The following ELMO1 variants were observed in gnomAD, a reference collection of about 807,000 sequenced individuals.
ELMO1 encodes engulfment and cell motility 1, also known as engulfment and cell motility protein 1.
ELMO1 carries 26 observed loss-of-function variants against 98.9 expected under a neutral mutation model. That is an observed-to-expected ratio of 0.26 (90% CI 0.19 to 0.36). The LOEUF (loss-of-function observed/expected upper bound fraction) is 0.36. Among genes scored for constraint, ELMO1 ranks in the 10% least tolerant of loss-of-function variants. The pLI is 1.00. For synonymous variants in ELMO1, 346 were observed against 346.0 expected, an observed-to-expected ratio of 1.00 and a Z score of 0.00; for missense variants, 627 against 935.2, an observed-to-expected ratio of 0.67 and a Z score of 4.30.
intron 1 of ELMO1, among the ~76,000 whole-genome samples, chr7:37,401,343 G>A (rs567774395): frequency 3.7e-4 from 57 of 152,176 alleles, no homozygotes; most frequent in Non-Finnish European, 5.9e-4. Context: ...AACAGCAGAA[G>A]CAGGAAGGTC....
intron 2 of ELMO1, among the ~76,000 whole-genome samples, chr7:37,327,745 G>A (rs1219335036): frequency 6.6e-6 from 1 of 152,142 alleles, no homozygotes; most frequent in African/African-American, 2.4e-5. Context: ...AGCAGGTAGT[G>A]GAGGGACGTG....
intron 1 of ELMO1, among the ~76,000 whole-genome samples, chr7:37,408,450 T>C (rs186258006): frequency 2.6e-5 from 4 of 152,302 alleles, no homozygotes; most frequent in African/African-American, 4.8e-5. Context: ...CAGAGCAACA[T>C]TGGCACTACT....
intron 15 of ELMO1, among the ~76,000 whole-genome samples, chr7:37,056,990 T>C (rs1296896526): frequency 2.6e-5 from 4 of 152,178 alleles, no homozygotes; most frequent in African/African-American, 9.7e-5. Flanking sequence ...ATCAAAAATG[T>C]CCAACACAAG....
At chr7:37,397,805 G>C (rs1298368256) in intron 1 of ELMO1, among the ~76,000 whole-genome samples, 3 of 152,182 alleles carry the variant, frequency 2.0e-5, no homozygotes, top group African/African-American at 7.2e-5. Flanking sequence ...ATACACCATG[G>C]AATACTATGC....
intron 16 of ELMO1, among the ~76,000 whole-genome samples, chr7:36,910,473 T>C (rs1784266896): frequency 6.6e-6 from 1 of 151,776 alleles, no homozygotes; most frequent in Non-Finnish European, 1.5e-5. Flanking sequence ...GTAAGGGGAG[T>C]GGTTAGAACT....
chr7:36,991,073 G>A (rs1026258747), intron 16 of ELMO1, among the ~76,000 whole-genome samples: 1 of 152,158 alleles, frequency 6.6e-6, no homozygotes, highest in African/African-American at 2.4e-5. Context: ...TGAAGGTGAT[G>A]GTAATGGTCT....
chr7:37,014,318 G>A (rs181178212), intron 15 of ELMO1, among the ~76,000 whole-genome samples: 1 of 151,994 alleles, frequency 6.6e-6, no homozygotes, highest in Admixed American at 6.5e-5. Flanking sequence ...GGAGCCCAAG[G>A]AACTAAGGTT....
intron 16 of ELMO1, among the ~76,000 whole-genome samples, chr7:36,995,040 C>G (rs1008023257): frequency 6.6e-6 from 1 of 152,148 alleles, no homozygotes; most frequent in Non-Finnish European, 1.5e-5. Context: ...GTTCCACACC[C>G]ACAAAATTTA....
chr7:36,866,041 G>A (rs1803009426), intron 20 of ELMO1, among the ~76,000 whole-genome samples: 1 of 152,196 alleles, frequency 6.6e-6, no homozygotes, highest in Non-Finnish European at 1.5e-5. Context: ...ATGGGAAGAT[G>A]GAAGCTTCTC....
intron 15 of ELMO1, among the ~76,000 whole-genome samples, chr7:37,065,521 CA>C (rs1271748724): frequency 6.6e-6 from 1 of 152,158 alleles, no homozygotes; most frequent in Non-Finnish European, 1.5e-5. Context: ...GTCACTCCTT[CA>C]TGTGGTCACC....
chr7:36,943,061 C>T (rs1787182959), intron 16 of ELMO1, among the ~76,000 whole-genome samples: 1 of 152,186 alleles, frequency 6.6e-6, no homozygotes, highest in African/African-American at 2.4e-5. Flanking sequence ...CCTGCGGAAC[C>T]TGGGTCCTAC....
intron 13 of ELMO1, among the ~76,000 whole-genome samples, chr7:37,209,666 A>G (rs1387388425): frequency 1.3e-5 from 2 of 152,168 alleles, no homozygotes; most frequent in South Asian, 2.1e-4. Context: ...CTTGCTTACC[A>G]CATAAAAGTA....
chr7:36,860,995 A>C (rs1375443057), intron 21 of ELMO1, among the ~76,000 whole-genome samples: 9 of 152,220 alleles, frequency 5.9e-5, no homozygotes, highest in Admixed American at 5.9e-4. Context: ...GCAAAACAAA[A>C]ATTTGAATGG....
chr7:37,391,707 C>T (rs1803085597), intron 1 of ELMO1, among the ~76,000 whole-genome samples: 1 of 152,196 alleles, frequency 6.6e-6, no homozygotes, highest in Non-Finnish European at 1.5e-5. Flanking sequence ...TTCCTGATTT[C>T]AGGAACCTCT....
chr7:37,170,195 G>A (rs1360514886), intron 13 of ELMO1, among the ~76,000 whole-genome samples: 1 of 152,070 alleles, frequency 6.6e-6, no homozygotes, highest in Non-Finnish European at 1.5e-5. Context: ...GTGAGCCACC[G>A]CGCCTGGCGC....
chr7:37,272,836 G>A lies in ELMO1; in HGVS notation c.193-954C>T, dbSNP rs551021844. 3.3e-5 allele frequency among the ~76,000 whole-genome samples: 5 copies of A among 152,336 alleles called. No homozygotes were observed. In the South Asian group the frequency reaches 1.0e-3, roughly 32 times the overall value. On this transcript the variant is annotated intron_variant, in intron 4 of 21. Coordinates refer to ENST00000310758, the MANE Select transcript of ELMO1 (RefSeq NM_014800.11). ...CAGGATAGGCAAATAAATAGAATCA[G>A]CCATTAGGATAAATGGTTGCCTAAG...
intron 16 of ELMO1, among the ~76,000 whole-genome samples, chr7:36,976,002 TA>T (rs938134530): frequency 5.9e-5 from 9 of 152,224 alleles, no homozygotes; most frequent in African/African-American, 2.2e-4. Context: ...CCTCCTTGAA[TA>T]GGGGTCAATA....
At chr7:37,154,002 G>A (rs577551928) in intron 13 of ELMO1, among the ~76,000 whole-genome samples, 6 of 152,024 alleles carry the variant, frequency 3.9e-5, no homozygotes, top group Non-Finnish European at 5.9e-5. Flanking sequence ...GCCTCCAGGG[G>A]TGTTACCCAG....
chr7:37,003,165 T>C (rs1268210201), intron 16 of ELMO1, among the ~76,000 whole-genome samples: 1 of 152,222 alleles, frequency 6.6e-6, no homozygotes, highest in African/African-American at 2.4e-5. Context: ...AAATTCGGTT[T>C]GGAATTATCA....
Sources: allele counts gnomAD v4.1 joint callset (sites outside exome capture counted in the v4.1 genomes callset), GRCh38; gene constraint gnomAD v4.1.1; transcripts MANE v1.5; gene names NCBI Gene and HGNC (gene_info 2026-07-23, HGNC 2026-07-21).